Variants in DIP2C observed in about 807,000 individuals in gnomAD.
The protein encoded by DIP2C is DIP2 acetate--CoA ligase C (putative), also known as disco-interacting protein 2 homolog C.
A neutral mutation model predicts 192.4 loss-of-function variants in DIP2C; 33 were observed. The ratio of observed to expected loss-of-function variants is 0.17; its 90% confidence interval spans 0.13 to 0.23. The LOEUF is 0.23. Ranked by LOEUF, DIP2C falls within the 10% of genes least tolerant of loss-of-function variation. DIP2C has a pLI of 1.00. For synonymous variants in DIP2C, 979 were observed against 864.1 expected, an observed-to-expected ratio of 1.13 and a Z score of -2.33; for missense variants, 1,537 against 2,110.1, an observed-to-expected ratio of 0.73 and a Z score of 5.32.
At chr10:688,835 G>C (rs528739086) in intron 1 of DIP2C, among the ~76,000 whole-genome samples, 1 of 152,202 alleles carries the variant, frequency 6.6e-6, no homozygotes, top group African/African-American at 2.4e-5. Context: ...AGCCCGGCCC[G>C]GGGGGAGGTT....
Position 390,071 on chromosome 10 carries a change from C to T in DIP2C, c.1517G>A (p.Ser506Asn). 1 of 1,614,134 alleles carries T rather than the reference C, an allele frequency of 6.2e-7. No homozygotes were observed. Among genetic ancestry groups the T allele is most frequent in the Non-Finnish European group, 8.5e-7 (1 of 1,179,988 alleles). ...YIEYKTCKDG[S>N]VLGVTVTRTA... ...CCTCGTCACCGTCACACCCAGCACA[C>T]TGCCATCCTTACACGTCTTGTACTG... Residue 506 changes from serine to asparagine, a missense_variant, in exon 13 of 37, where the codon AGT becomes AAT. By Grantham distance (46) the Ser-to-Asn change is conservative (BLOSUM62 1). This residue lies in a region of DIP2C where 677 missense variants were observed against 989.9 expected (regional missense o/e 0.68). Transcript: ENST00000280886.
At chr10:338,412 A>AT (rs897350940) in intron 29 of DIP2C, among the ~76,000 whole-genome samples, 2 of 147,654 alleles carry the variant, frequency 1.4e-5, no homozygotes, top group Non-Finnish European at 3.0e-5. Flanking sequence ...GTCATGGGAA[A>AT]TGCCCTACAC....
At chr10:688,107 C>T (rs1831400212) in intron 1 of DIP2C, among the ~76,000 whole-genome samples, 1 of 152,178 alleles carries the variant, frequency 6.6e-6, no homozygotes, top group Non-Finnish European at 1.5e-5. Flanking sequence ...ACCAAACGAG[C>T]TGTCTGCACT....
At chr10:607,355 A>T (rs1250222083) in intron 1 of DIP2C, among the ~76,000 whole-genome samples, 1 of 152,196 alleles carries the variant, frequency 6.6e-6, no homozygotes, top group Non-Finnish European at 1.5e-5. Context: ...AGACTTCATT[A>T]TCCAGAAGCC....
intron 1 of DIP2C, among the ~76,000 whole-genome samples, chr10:571,158 G>A (rs916254054): frequency 2.6e-5 from 4 of 152,226 alleles, no homozygotes; most frequent in Non-Finnish European, 5.9e-5. Context: ...AGGCCGCTCA[G>A]CTAAACCGGG....
In DIP2C at chr10:672,944, G is replaced by C. The variant is rs901726028; in HGVS notation, c.85+16550C>G. 4.6e-5 allele frequency among the ~76,000 whole-genome samples: 7 copies of C among 152,250 alleles called. No individual in the cohort carries two copies. The East Asian group carries it at 1.2e-3, about 25-fold the overall frequency. On this transcript the variant is annotated intron_variant, in intron 1 of 36. Transcript: ENST00000280886. The stretch of plus-strand genomic sequence containing the variant: ...GTACAAAAAATGTAGGAATTGTACA[G>C]TGAATACCCATGTATCAACCCCCTG...
chr10:552,893 T>C (rs1023374860), intron 1 of DIP2C, among the ~76,000 whole-genome samples: 1 of 152,156 alleles, frequency 6.6e-6, no homozygotes, highest in Non-Finnish European at 1.5e-5. Context: ...GCTCCCGCCA[T>C]CTCCACGGAG....
intron 1 of DIP2C, among the ~76,000 whole-genome samples, chr10:654,213 A>C (rs1417922237): frequency 6.6e-6 from 1 of 152,146 alleles, no homozygotes; most frequent in African/African-American, 2.4e-5. Flanking sequence ...TTCATTCTTC[A>C]CAGCTGCTAT....
intron 1 of DIP2C, among the ~76,000 whole-genome samples, chr10:490,492 G>T (rs916332041): frequency 3.9e-5 from 6 of 152,130 alleles, no homozygotes; most frequent in African/African-American, 1.4e-4. Context: ...AGGCTATTTC[G>T]AAAGTCAACT....
At chr10:308,751 A>G (rs529591955) in intron 32 of DIP2C, among the ~76,000 whole-genome samples, 39 of 152,270 alleles carry the variant, frequency 2.6e-4, no homozygotes, top group Non-Finnish European at 4.0e-4. Flanking sequence ...CTGTGATTTT[A>G]TAACTGTGCA....
chr10:477,759 G>A (rs1409948451), intron 2 of DIP2C, among the ~76,000 whole-genome samples: 3 of 98,848 alleles, frequency 3.0e-5, no homozygotes, highest in African/African-American at 3.0e-5. Context: ...GAAAAGGAGA[G>A]AGAAGAAAAA....
At chr10:419,321 C>A (rs1966016546) in intron 5 of DIP2C, 122 bp from the exon 6 acceptor site, 1 of 1,429,370 alleles carries the variant, frequency 7.0e-7, no homozygotes, top group Non-Finnish European at 9.6e-7. Context: ...CCATGGAAAG[C>A]CAGAGCCGAT....
chr10:350,928 G>A (rs1958772085), intron 24 of DIP2C, among the ~76,000 whole-genome samples: 1 of 152,126 alleles, frequency 6.6e-6, no homozygotes, highest in South Asian at 2.1e-4. Context: ...TTACAGGTGT[G>A]AGCCATCATG....
At chr10:580,197 T>C (rs1051527747) in intron 1 of DIP2C, among the ~76,000 whole-genome samples, 4 of 151,354 alleles carry the variant, frequency 2.6e-5, no homozygotes, top group African/African-American at 9.7e-5. Context: ...AGTGTATACA[T>C]ATGCACATAT....
At chr10:668,515 AAAAC>A (rs1857252902) in intron 1 of DIP2C, 1 of 152,186 alleles carries the variant, frequency 6.6e-6, no homozygotes, top group Admixed American at 6.5e-5. Context: ...TACAACATAC[AAAAC>A]ATACAACTCA....
At chr10:624,062 G>C (rs1854044507) in intron 1 of DIP2C, among the ~76,000 whole-genome samples, 1 of 152,236 alleles carries the variant, frequency 6.6e-6, no homozygotes, top group Non-Finnish European at 1.5e-5. Flanking sequence ...TCTGCACCCG[G>C]GACCCGCCCT....
At chr10:282,677 C>T (rs900455538) in intron 35 of DIP2C, among the ~76,000 whole-genome samples, 1 of 152,244 alleles carries the variant, frequency 6.6e-6, no homozygotes, top group African/African-American at 2.4e-5. Flanking sequence ...CTGGCTTCAC[C>T]CTGCTCTCCT....
chr10:650,643 G>A (rs1588678944), intron 1 of DIP2C: 3 of 618,508 alleles, frequency 4.9e-6, no homozygotes, highest in Non-Finnish European at 8.8e-6. Flanking sequence ...CGGAGGCGGG[G>A]AAGCCATTCC....
intron 30 of DIP2C, 99 bp from the exon 31 acceptor site, chr10:327,275 ACTC>A: frequency 7.2e-7 from 1 of 1,382,024 alleles, no homozygotes; most frequent in Non-Finnish European, 9.6e-7. Context: ...ACATTGGAAA[ACTC>A]AACACAGCTA....
Sources: allele counts gnomAD v4.1 joint callset (sites outside exome capture counted in the v4.1 genomes callset), GRCh38; gene constraint gnomAD v4.1.1; regional missense constraint gnomAD v4.1.1; transcripts MANE v1.5; gene names NCBI Gene and HGNC (gene_info 2026-07-23, HGNC 2026-07-21).